Variants in CNN2 observed in about 807,000 individuals in gnomAD.
The protein encoded by CNN2 is calponin 2.
CNN2 carries 21 observed loss-of-function variants against 31.0 expected under a neutral mutation model. The observed-to-expected ratio is 0.68, with a 90% confidence interval of 0.48 to 0.98. The LOEUF is 0.98. Ranked by LOEUF, CNN2 falls within the 50% of genes least tolerant of loss-of-function variation. CNN2 has a pLI of 0.00. For synonymous variants in CNN2, 165 were observed against 179.6 expected, an observed-to-expected ratio of 0.92 and a Z score of 0.65; for missense variants, 399 against 427.3, an observed-to-expected ratio of 0.93 and a Z score of 0.58.
Position 1,038,318 on chromosome 19 carries a change from T to G in CNN2, c.*418T>G. 1 of 161,688 alleles carries G rather than the reference T, an allele frequency of 6.2e-6. No homozygotes were observed. Among genetic ancestry groups the G allele is most frequent in the Non-Finnish European group, 1.4e-5 (1 of 73,884 alleles). 10.0% of individuals were successfully genotyped at this position (161,688 alleles called of 1,614,324 possible). On this transcript the variant is annotated 3_prime_UTR_variant, in exon 7 of 7. Transcript: ENST00000263097. ...TATTCACAAAAGAAAAATACATTTT[T>G]TCCCCCAGGGGTGGGGCAAGGACAG...
intron 1 of CNN2, among the ~76,000 whole-genome samples, chr19:1,028,588 G>C (rs1365775959): frequency 1.3e-5 from 2 of 152,210 alleles, no homozygotes; most frequent in Non-Finnish European, 2.9e-5. Flanking sequence ...TCCCGGCTTG[G>C]GGGTCCGGAC....
intron 1 of CNN2, among the ~76,000 whole-genome samples, chr19:1,028,095 C>T (rs2039427689): frequency 6.6e-6 from 1 of 152,104 alleles, no homozygotes; most frequent in South Asian, 2.1e-4. Context: ...TGCATACAGC[C>T]GGCTAAGGGC....
At position 1,031,152 on chromosome 19, in the gene CNN2, G is replaced by A. The variant is rs779381190; in HGVS notation, c.145G>A (p.Asp49Asn). The A allele has an allele frequency of 4.3e-6, 7 of 1,613,116 alleles. No individual in the cohort carries two copies. Among genetic ancestry groups the A allele is most frequent in the East Asian group, 2.2e-5 (1 of 44,878 alleles). The change falls in exon 2 of 7, where the codon GAC (aspartate) becomes AAC (asparagine). Residue 49 changes from aspartate (D) to asparagine (N), a missense_variant. By Grantham distance (23) the Asp-to-Asn change is conservative. Coordinates refer to ENST00000263097, the MANE Select transcript of CNN2 (RefSeq NM_004368.4). ...ACTCACCGGCCTCTCCATCGGCCCCGACTTCCAGAAGGGCCTGAAGGATGG... is the reference window on the plus strand; with the variant it reads ...ACTCACCGGCCTCTCCATCGGCCCCAACTTCCAGAAGGGCCTGAAGGATGG... ...EGLTGLSIGP[D>N]FQKGLKDGTI...
intron 6 of CNN2, 94 bp downstream of exon 6, chr19:1,036,656 C>T: frequency 6.7e-7 from 1 of 1,490,626 alleles, no homozygotes; most frequent in Non-Finnish European, 9.3e-7. Context: ...GCTTCTCTCC[C>T]CACTCTCAGT....
In CNN2 at chr19:1,031,180, C is replaced by G. The variant is rs769941763; in HGVS notation, c.173C>G (p.Thr58Ser). Residue 58 changes from threonine (T) to serine (S), a missense_variant, in exon 2 of 7, where the codon ACT (threonine) becomes AGT (serine). Coordinates refer to ENST00000263097, the MANE Select transcript of CNN2 (RefSeq NM_004368.4). ...TTCCAGAAGGGCCTGAAGGATGGAA[C>G]TATCTTATGCACGTGAGTACACGCA... Reference protein sequence around the residue: ...PDFQKGLKDGTILCTLMNKLQ... With the variant: ...PDFQKGLKDGSILCTLMNKLQ... The G allele has an allele frequency of 6.2e-7, 1 of 1,611,678 alleles. No individual in the cohort carries two copies. The highest frequency in any genetic ancestry group is 1.1e-5 in the South Asian group (1 of 91,038).
At position 1,038,610 on chromosome 19, in the gene CNN2, T is replaced by G. The variant is rs963595457; in HGVS notation, c.*710T>G. 1 of 152,228 alleles carries G rather than the reference T, an allele frequency of 6.6e-6. No homozygotes were observed. The highest frequency in any genetic ancestry group is 2.1e-4 in the South Asian group (1 of 4,842). The allele number at this position is 152,228 out of a possible 1,614,324, so 9.4% of individuals were successfully genotyped here. ...AGTAGATTTTTTTTTCAGTTGTGGT[T>G]GTTGCCCAGGCTGGAGTGCAGTGGC... On this transcript the variant is annotated 3_prime_UTR_variant, in exon 7 of 7. Transcript: ENST00000263097.
intron 4 of CNN2, among the ~76,000 whole-genome samples, chr19:1,033,169 T>C (rs1398209060): frequency 6.6e-6 from 1 of 152,146 alleles, no homozygotes; most frequent in African/African-American, 2.4e-5. Flanking sequence ...CCTTATGCAG[T>C]TCAGTCTGAT....
At chr19:1,026,850 C>G (rs1391600831) in intron 1 of CNN2, 126 bp downstream of exon 1, 7 of 871,170 alleles carry the variant, frequency 8.0e-6, no homozygotes, top group Non-Finnish European at 1.2e-5. Context: ...GCGGACGGGC[C>G]CTTGTTCTCC....
rs1345768988 is a variant in CNN2 at position 1,037,799 on chromosome 19, G to A, written c.829G>A (p.Gly277Ser). 18 of 1,610,880 alleles carry A rather than the reference G, an allele frequency of 1.1e-5. No individual in the cohort carries two copies. Among genetic ancestry groups the A allele is most frequent in the Non-Finnish European group, 1.4e-5 (17 of 1,179,546 alleles). The change falls in exon 7 of 7, where the codon GGC becomes AGC. Residue 277 changes from glycine to serine, a missense_variant. Gly to Ser is a moderately conservative substitution (Grantham distance 56). Transcript: ENST00000263097. ...ATATGACCCCAAGTACTGCCCGCAA[G>A]GCACAGTGGCCGATGGGGCTCCCTC... Reference protein sequence around the residue: ...QIYDPKYCPQGTVADGAPSGT... With the variant: ...QIYDPKYCPQSTVADGAPSGT...
intron 1 of CNN2, among the ~76,000 whole-genome samples, chr19:1,028,723 C>A (rs1034460463): frequency 6.8e-6 from 1 of 147,100 alleles, no homozygotes; most frequent in Non-Finnish European, 1.5e-5. Context: ...TGGGGGAGGA[C>A]GGCAGCGGCT....
At position 1,032,379 on chromosome 19, in the gene CNN2, T is replaced by C. The variant is rs760443650; in HGVS notation, c.186-13T>C. 3 of 1,613,228 alleles carry C rather than the reference T, an allele frequency of 1.9e-6. No homozygotes were observed. The highest frequency in any genetic ancestry group is 2.7e-5 in the African/African-American group (2 of 74,896). On this transcript the variant is annotated splice_polypyrimidine_tract_variant and intron_variant, in intron 2 of 6. Transcript: ENST00000263097. ...AGGTTTCTGTTTCCCCCGCCCCATG[T>C]TGTGCCCTCCAGACTCATGAACAAG...
chr19:1,032,277 G>A, intron 2 of CNN2, 115 bp from the exon 3 acceptor site: 2 of 1,231,494 alleles, frequency 1.6e-6, no homozygotes, highest in Admixed American at 1.9e-5. Context: ...CCCAGAGAGA[G>A]GCCGTGAGTT....
intron 4 of CNN2, among the ~76,000 whole-genome samples, chr19:1,035,644 T>C (rs1192571183): frequency 3.9e-5 from 6 of 152,192 alleles, no homozygotes; most frequent in Non-Finnish European, 7.4e-5. Context: ...CCCCATGGGC[T>C]GGGCGCGGTG....
intron 2 of CNN2, 48 bp from the exon 3 acceptor site, chr19:1,032,344 C>T (rs567806533): frequency 6.2e-7 from 1 of 1,609,134 alleles, no homozygotes; most frequent in South Asian, 1.1e-5. Flanking sequence ...CGGTTCCTCG[C>T]TGCTCACAGA....
rs151218779 is a variant in CNN2, at chr19:1,036,736, CTG to C, written c.654+176_654+177del. The stretch of plus-strand genomic sequence containing the variant: ...CTGTCTCCGCCTTGGATTTCAGCCT[CTG>C]TCATTTCCACCTGGCTGTGGGTCTC... On this transcript the variant is annotated intron_variant, in intron 6 of 6. Transcript: ENST00000263097. 5,861 of 762,756 alleles carry C rather than the reference CTG, an allele frequency of 7.7e-3. 247 individuals are homozygous for C. In the African/African-American group the frequency reaches 0.089, roughly 12 times the overall value. The allele number at this position is 762,756 out of a possible 1,614,324, so 47.2% of individuals were successfully genotyped here.
intron 1 of CNN2, chr19:1,030,841 G>A (rs371515463): frequency 6.2e-5 from 29 of 466,828 alleles, no homozygotes; most frequent in African/African-American, 5.8e-4. Flanking sequence ...TTCTAAGCCG[G>A]TTGTCGGCCT....
chr19:1,032,536 G>C (rs781078564), intron 3 of CNN2, 23 bp from the exon 4 acceptor site: 1 of 1,613,442 alleles, frequency 6.2e-7, no homozygotes, highest in South Asian at 1.1e-5. Flanking sequence ...CCCACTCACT[G>C]TCCCTCTCCT....
Position 1,037,907 on chromosome 19 carries a change from C to T in CNN2, c.*7C>T. 1.3e-6 allele frequency: 2 copies of T among 1,562,672 alleles called. No individual in the cohort carries two copies. Among genetic ancestry groups the T allele is most frequent in the African/African-American group, 1.4e-5 (1 of 73,326 alleles). ...GGAGGAGGCCGGCTACTGAGGCTCC[C>T]AGCACGCTCTCTCCCCACATCGTCT... On this transcript the variant is annotated 3_prime_UTR_variant, in exon 7 of 7. Transcript: ENST00000263097.
At position 1,031,054 on chromosome 19, in the gene CNN2, G is replaced by A. The variant is rs752487475; in HGVS notation, c.64-17G>A. The A allele has an allele frequency of 1.9e-5, 31 of 1,608,940 alleles. No homozygotes were observed. Among genetic ancestry groups the A allele is most frequent in the Non-Finnish European group, 2.6e-5 (31 of 1,177,294 alleles). Reference sequence around the variant, plus strand: ...TGCCCCCAGCCCAGCTCAGTCTCGTGCCCTTTGCTCCACCAGCTCCTGTCC... The same window carrying A: ...TGCCCCCAGCCCAGCTCAGTCTCGTACCCTTTGCTCCACCAGCTCCTGTCC... On this transcript the variant is annotated splice_polypyrimidine_tract_variant and intron_variant, in intron 1 of 6. Transcript: ENST00000263097.
Sources: allele counts gnomAD v4.1 joint callset (sites outside exome capture counted in the v4.1 genomes callset), GRCh38; gene constraint gnomAD v4.1.1; transcripts MANE v1.5; gene names NCBI Gene and HGNC (gene_info 2026-07-23, HGNC 2026-07-21).